Variants in ACSM3 observed in about 807,000 individuals in gnomAD.
ACSM3 encodes the protein acyl-CoA synthetase medium chain family member 3.
In ACSM3, 61 loss-of-function variants were observed where a neutral mutation model predicts 74.1. That is an observed-to-expected ratio of 0.82 (90% confidence interval 0.67 to 1.02). The LOEUF (loss-of-function observed/expected upper bound fraction) is 1.02. Among genes scored for constraint, ACSM3 ranks in the 50% least tolerant of loss-of-function variants. The probability of loss-of-function intolerance (pLI) is 0.00; values close to 1 mark genes in which losing one functional copy is unlikely to be tolerated. For missense variants in ACSM3, 660 were observed against 697.0 expected, an observed-to-expected ratio of 0.95 and a Z score of 0.60; for synonymous variants, 213 against 241.5, an observed-to-expected ratio of 0.88 and a Z score of 1.09.
At chr16:20,789,099 A>T (rs2080537445) in intron 9 of ACSM3, among the ~76,000 whole-genome samples, 1 of 152,198 alleles carries the variant, frequency 6.6e-6, no homozygotes, top group Admixed American at 6.5e-5. Flanking sequence ...GCAAAATCTG[A>T]TGTATAAAAT....
At chr16:20,735,762 C>A (rs1395587613) in intron 1 of ACSM3, 1 of 152,188 alleles carries the variant, frequency 6.6e-6, no homozygotes. Flanking sequence ...GACTCATCAT[C>A]CTGGATAGAG....
intron 9 of ACSM3, among the ~76,000 whole-genome samples, chr16:20,788,331 T>C (rs1046272413): frequency 1.3e-5 from 2 of 152,198 alleles, no homozygotes; most frequent in Non-Finnish European, 2.9e-5. Context: ...CCAACATGCA[T>C]GGCTATCAGG....
At chr16:20,789,613 T>C (rs1353056887) in intron 9 of ACSM3, 2 of 1,226,298 alleles carry the variant, frequency 1.6e-6, no homozygotes, top group East Asian at 2.3e-5. Flanking sequence ...GAGGAAAAGA[T>C]AATCAAGACC....
intron 1 of ACSM3, among the ~76,000 whole-genome samples, chr16:20,693,261 A>G (rs1227336122): frequency 1.3e-5 from 2 of 152,124 alleles, no homozygotes; most frequent in Non-Finnish European, 2.9e-5. Flanking sequence ...GTTCTTCCCT[A>G]GAGTAGCATT....
At chr16:20,689,246 A>G (rs1279785908) in intron 1 of ACSM3, among the ~76,000 whole-genome samples, 1 of 151,980 alleles carries the variant, frequency 6.6e-6, no homozygotes, top group East Asian at 1.9e-4. Flanking sequence ...AGATTGCTAG[A>G]ACTACAAGAT....
chr16:20,742,273 C>A (rs962045165), intron 1 of ACSM3, among the ~76,000 whole-genome samples: 2 of 152,270 alleles, frequency 1.3e-5, no homozygotes, highest in African/African-American at 4.8e-5. Flanking sequence ...AACAGACAAT[C>A]ACAGAAACAA....
At chr16:20,720,748 T>A (rs1438255691) in intron 1 of ACSM3, among the ~76,000 whole-genome samples, 5 of 152,260 alleles carry the variant, frequency 3.3e-5, no homozygotes, top group African/African-American at 1.2e-4. Flanking sequence ...ATTTTTATTT[T>A]ACAAAGATCA....
intron 1 of ACSM3, among the ~76,000 whole-genome samples, chr16:20,705,911 A>G (rs1361665420): frequency 6.6e-6 from 1 of 152,308 alleles, no homozygotes; most frequent in East Asian, 1.9e-4. Context: ...TAAAATTGAG[A>G]CTATTTAAGA....
At chr16:20,709,000 C>A (rs1437889684) in intron 1 of ACSM3, among the ~76,000 whole-genome samples, 1 of 152,218 alleles carries the variant, frequency 6.6e-6, no homozygotes, top group Non-Finnish European at 1.5e-5. Flanking sequence ...TTTTGGCAAA[C>A]TTCCTCAGAT....
At chr16:20,706,864 A>G (rs1325390854) in intron 1 of ACSM3, among the ~76,000 whole-genome samples, 2 of 152,174 alleles carry the variant, frequency 1.3e-5, no homozygotes, top group East Asian at 3.9e-4. Flanking sequence ...AGAGAGAGAC[A>G]TGTCCATATG....
At chr16:20,764,791 G>A (rs1596506816) in intron 1 of ACSM3, 1 of 152,184 alleles carries the variant, frequency 6.6e-6, no homozygotes, top group East Asian at 1.9e-4. Context: ...CTTGCTCAGT[G>A]ACAGATGGGA....
At chr16:20,775,791 T>C in intron 2 of ACSM3, 48 bp from the exon 3 acceptor site, 12 of 1,588,932 alleles carry the variant, frequency 7.6e-6, no homozygotes, top group Non-Finnish European at 9.5e-6. Context: ...GCCCAGAATT[T>C]AGCTGTATAA....
At chr16:20,683,202 C>G (rs1172045906) in intron 1 of ACSM3, among the ~76,000 whole-genome samples, 2 of 152,096 alleles carry the variant, frequency 1.3e-5, no homozygotes, top group Non-Finnish European at 2.9e-5. Context: ...ACTGCAACCT[C>G]AGCCTCCTGG....
At chr16:20,740,826 A>G (rs1233200918) in intron 1 of ACSM3, among the ~76,000 whole-genome samples, 2 of 152,242 alleles carry the variant, frequency 1.3e-5, no homozygotes, top group Non-Finnish European at 2.9e-5. Context: ...AAGTGCAGTA[A>G]CTAGCATTAG....
rs757582668 is a variant in ACSM3 at position 20,792,282 on chromosome 16, C to A, written c.1501C>A (p.Pro501Thr). The stretch of plus-strand genomic sequence containing the variant: ...GGTAGAAAATGCCCTGAATGAACAC[C>A]CTTCAGTTGCAGAGTCAGCTGTTGT... ...FEVENALNEH[P>T]SVAESAVVSS... Residue 501 changes from proline to threonine, a missense_variant, in exon 12 of 14, where the codon CCT becomes ACT. By Grantham distance (38) the Pro-to-Thr change is conservative. Coordinates refer to ENST00000289416, the MANE Select transcript of ACSM3 (RefSeq NM_005622.4). 6.2e-7 allele frequency: 1 copy of A among 1,614,056 alleles called. No individual in the cohort carries two copies. Among genetic ancestry groups the A allele is most frequent in the Non-Finnish European group, 8.5e-7 (1 of 1,179,956 alleles).
chr16:20,682,535 G>T (rs2079469482), intron 1 of ACSM3: 2 of 1,207,452 alleles, frequency 1.7e-6, no homozygotes, highest in African/African-American at 1.5e-5. Flanking sequence ...TGGCTTGTCT[G>T]CATCGAAATA....
intron 1 of ACSM3, among the ~76,000 whole-genome samples, chr16:20,745,141 T>G (rs2079952513): frequency 6.6e-6 from 1 of 152,198 alleles, no homozygotes; most frequent in Admixed American, 6.5e-5. Flanking sequence ...TTATTCTTCT[T>G]TGTTCTTTTT....
chr16:20,741,481 G>GGGGGGGGGGCCCCCCCCCCCCCCCCCCC, intron 1 of ACSM3: 2 of 1,308,410 alleles, frequency 1.5e-6, no homozygotes, highest in Non-Finnish European at 9.9e-7. Context: ...CTGGCAGCCG[G>GGGGGGGGGGCCCCCCCCCCCCCCCCCCC]CCCGCCCGCC....
chr16:20,770,478 A>G (rs902576540), intron 2 of ACSM3, among the ~76,000 whole-genome samples: 11 of 152,158 alleles, frequency 7.2e-5, no homozygotes, highest in African/African-American at 2.7e-4. Flanking sequence ...CAATAGTTCC[A>G]TGGTTAGTTG....
Sources: gnomAD v4.1 joint callset for allele counts (sites outside exome capture counted in the v4.1 genomes callset) on GRCh38, gnomAD v4.1.1 for gene constraint, MANE v1.5 for transcripts, NCBI Gene and HGNC (gene_info 2026-07-23, HGNC 2026-07-21) for gene names.